The following ZFAND2B variants were observed in gnomAD, a reference collection of about 807,000 sequenced individuals.
ZFAND2B encodes the protein zinc finger AN1-type containing 2B.
ZFAND2B carries 27 observed loss-of-function variants against 38.2 expected under a neutral mutation model. That is an observed-to-expected ratio of 0.71 (90% CI 0.52 to 0.97). The LOEUF (loss-of-function observed/expected upper bound fraction) is 0.97. Ranked by LOEUF, ZFAND2B falls within the 50% of genes least tolerant of loss-of-function variation. The pLI, the probability that ZFAND2B is intolerant of heterozygous loss-of-function variation, is 0.00. For synonymous variants in ZFAND2B, 111 were observed against 119.4 expected (o/e 0.93, Z 0.46); for missense variants, 303 against 331.5 (o/e 0.91, Z 0.67).
chr2:219,208,392 C>T (rs777997751), intron 5 of ZFAND2B, 34 bp from the exon 6 acceptor site: 2 of 1,614,240 alleles, frequency 1.2e-6, no homozygotes, highest in Admixed American at 3.3e-5. Context: ...CCCCTTCACA[C>T]CTCTGACCTC....
At position 219,207,668 on chromosome 2, in the gene ZFAND2B, C is replaced by T. The variant is rs748835980; in HGVS notation, c.171C>T (p.Cys57=). The T allele has an allele frequency of 6.2e-7, 1 of 1,614,212 alleles. No individual in the cohort carries two copies. Among genetic ancestry groups the T allele is most frequent in the Non-Finnish European group, 8.5e-7 (1 of 1,180,046 alleles). Reference sequence around the variant, plus strand: ...TACAGGATATCCAGGTACCTGTGTGCCCTCTCTGTAATGTGCCTGTGCCTG... The same window carrying T: ...TACAGGATATCCAGGTACCTGTGTGTCCTCTCTGTAATGTGCCTGTGCCTG... ...AYQKDIQVPV[C]PLCNVPVPVA... Residue 57 remains cysteine (C), a synonymous_variant, in exon 3 of 9, where the codon TGC becomes TGT. Coordinates refer to ENST00000289528, the MANE Select transcript of ZFAND2B (RefSeq NM_138802.3).
At position 219,209,038 on chromosome 2, in the gene ZFAND2B, C is replaced by T. The variant is rs1301841144; in HGVS notation, c.718C>T (p.Gln240Ter). Reference protein sequence around the residue: ...QALSASEAEYQRQQAQSRSSK... With the variant: ...QALSASEAEY ...ACTGTCAGCCAGTGAGGCAGAATACCAGCGGCAGCAGGTATGAGGCTGGGC... is the reference window on the plus strand; with the variant it reads ...ACTGTCAGCCAGTGAGGCAGAATACTAGCGGCAGCAGGTATGAGGCTGGGC... The change falls in exon 8 of 9, where the codon CAG (glutamine) becomes TAG (stop). Residue 240 changes from glutamine to a stop codon, truncating the protein, a stop_gained. Transcript: ENST00000289528. LOFTEE classifies it high-confidence loss of function. The T allele has an allele frequency of 6.2e-7, 1 of 1,614,198 alleles. No homozygotes were observed. The highest frequency in any genetic ancestry group is 8.5e-7 in the Non-Finnish European group (1 of 1,180,034).
At chr2:219,208,173 G>A in intron 4 of ZFAND2B, 83 bp from the exon 5 acceptor site, 1 of 1,596,754 alleles carries the variant, frequency 6.3e-7, no homozygotes, top group Non-Finnish European at 8.6e-7. Context: ...CTTTTCAAGT[G>A]CATGTTTTTC....
intron 7 of ZFAND2B, 50 bp downstream of exon 7, chr2:219,208,689 G>A (rs781088737): frequency 1.2e-6 from 2 of 1,607,998 alleles, no homozygotes; most frequent in African/African-American, 2.7e-5. Flanking sequence ...CAAGGGCTTG[G>A]TCTGGAGGCA....
rs1466581977 is a variant in ZFAND2B, at chr2:219,209,363, T to C, written c.*57T>C. 2 of 1,583,900 alleles carry C rather than the reference T, an allele frequency of 1.3e-6. No homozygotes were observed. Among genetic ancestry groups the C allele is most frequent in the East Asian group, 2.3e-5 (1 of 44,246 alleles). On this transcript the variant is annotated 3_prime_UTR_variant, in exon 9 of 9. Coordinates refer to ENST00000289528, the MANE Select transcript of ZFAND2B (RefSeq NM_138802.3). ...AGGAGGACTGTGGCCCTCACACCTCTAGGGTACACAGGGAGAGGAGGCCCG... is the reference window on the plus strand; with the variant it reads ...AGGAGGACTGTGGCCCTCACACCTCCAGGGTACACAGGGAGAGGAGGCCCG...
rs753931387 is a variant in ZFAND2B at position 219,207,637 on chromosome 2, C to T, written c.151-11C>T. 1.2e-6 allele frequency: 2 copies of T among 1,614,076 alleles called. No homozygotes were observed. Among genetic ancestry groups the T allele is most frequent in the Non-Finnish European group, 1.7e-6 (2 of 1,179,948 alleles). On this transcript the variant is annotated splice_polypyrimidine_tract_variant and intron_variant, in intron 2 of 8. Coordinates refer to ENST00000289528, the MANE Select transcript of ZFAND2B (RefSeq NM_138802.3). Reference sequence around the variant, plus strand: ...GTGGGCCACAGACTGACCCTTGCTCCTTGACTACAGGATATCCAGGTACCT... The same window carrying T: ...GTGGGCCACAGACTGACCCTTGCTCTTTGACTACAGGATATCCAGGTACCT...
chr2:219,207,591 C>T (rs1181878373), intron 2 of ZFAND2B, 57 bp from the exon 3 acceptor site: 2 of 1,604,494 alleles, frequency 1.2e-6, no homozygotes, highest in East Asian at 4.5e-5. Context: ...TCTTTCAGGA[C>T]CAGAGATTTG....
At chr2:219,208,832 A>G (rs1264034766) in intron 7 of ZFAND2B, 145 bp from the exon 8 acceptor site, 25 of 1,057,684 alleles carry the variant, frequency 2.4e-5, no homozygotes, top group Non-Finnish European at 3.6e-5. Context: ...AACGGGGACA[A>G]TACTAATACC....
chr2:219,208,172 T>G, intron 4 of ZFAND2B, 84 bp from the exon 5 acceptor site: 1 of 1,597,054 alleles, frequency 6.3e-7, no homozygotes, highest in Non-Finnish European at 8.6e-7. Context: ...CCTTTTCAAG[T>G]GCATGTTTTT....
At chr2:219,208,526 CAGAG>C (rs749821770) in intron 6 of ZFAND2B, 40 bp downstream of exon 6, 11 of 1,614,260 alleles carry the variant, frequency 6.8e-6, no homozygotes, top group Non-Finnish European at 8.5e-6. Context: ...AACAAACACA[CAGAG>C]AGTGAAGTCC....
chr2:219,207,836 C>A (rs753683020), intron 3 of ZFAND2B, 51 bp from the exon 4 acceptor site: 1 of 1,613,482 alleles, frequency 6.2e-7, no homozygotes, highest in Admixed American at 1.7e-5. Context: ...CCTGGAAACC[C>A]AAACAGCTAA....
Position 219,207,012 on chromosome 2 carries a change from C to T in ZFAND2B, c.25C>T (p.His9Tyr). 2 of 1,611,628 alleles carry T rather than the reference C, an allele frequency of 1.2e-6. No homozygotes were observed. Among genetic ancestry groups the T allele is most frequent in the South Asian group, 2.2e-5 (2 of 90,718 alleles). Reference sequence around the variant, plus strand: ...GATGGAGTTTCCGGACCTCGGCGCTCACTGTTCGGAGCCGAGCTGTCAGCG... The same window carrying T: ...GATGGAGTTTCCGGACCTCGGCGCTTACTGTTCGGAGCCGAGCTGTCAGCG... MEFPDLGA[H>Y]CSEPSCQRLD... Residue 9 changes from histidine (H) to tyrosine (Y), a missense_variant, in exon 1 of 9, where the codon CAC (histidine) becomes TAC (tyrosine). Transcript: ENST00000289528.
Position 219,207,779 on chromosome 2 carries a change from G to A in ZFAND2B, c.282G>A (p.Lys94=). 1.2e-6 allele frequency: 2 copies of A among 1,614,116 alleles called. No individual in the cohort carries two copies. Among genetic ancestry groups the A allele is most frequent in the East Asian group, 2.2e-5 (1 of 44,882 alleles). ...CTGATCCAGCACAGCAAAAACGTAA[G>A]GTAAACATTGTAGGGGTCAGCCACA... ...CRSDPAQQKR[K]IFTNKCERAG... Residue 94 remains lysine, a splice_region_variant and synonymous_variant, in exon 3 of 9, where the codon AAG becomes AAA. Transcript: ENST00000289528.
In ZFAND2B at chr2:219,209,373, A is replaced by G. The variant is rs777221177; in HGVS notation, c.*67A>G. 13 of 1,567,582 alleles carry G rather than the reference A, an allele frequency of 8.3e-6. No homozygotes were observed. Among genetic ancestry groups the G allele is most frequent in the Non-Finnish European group, 1.0e-5 (12 of 1,150,590 alleles). On this transcript the variant is annotated 3_prime_UTR_variant, in exon 9 of 9. Coordinates refer to ENST00000289528, the MANE Select transcript of ZFAND2B (RefSeq NM_138802.3). ...TGGCCCTCACACCTCTAGGGTACACAGGGAGAGGAGGCCCGGAGCACCCTG... is the reference window on the plus strand; with the variant it reads ...TGGCCCTCACACCTCTAGGGTACACGGGGAGAGGAGGCCCGGAGCACCCTG...
intron 8 of ZFAND2B, 72 bp from the exon 9 acceptor site, chr2:219,209,190 G>C (rs1266005548): frequency 1.3e-6 from 2 of 1,573,434 alleles, no homozygotes; most frequent in African/African-American, 2.7e-5. Flanking sequence ...GCTGAGCTCT[G>C]AAATGAGGGC....
chr2:219,206,828 G>C lies in ZFAND2B; in HGVS notation c.-160G>C. 1.4e-6 allele frequency: 1 copy of C among 728,386 alleles called. No individual in the cohort carries two copies. 45.1% of individuals were successfully genotyped at this position (728,386 alleles called of 1,614,324 possible). A position where few individuals can be genotyped will look rare whatever the true frequency, so the allele number is the denominator to read the frequency against. On this transcript the variant is annotated 5_prime_UTR_variant, in exon 1 of 9. Transcript: ENST00000289528. ...AGGGAGGAGCGGGCGCCGGGGGCCG[G>C]CTGGCGCGGGGGCTCCGGTAACCCG... is the stretch of plus-strand genomic sequence containing the variant.
intron 1 of ZFAND2B, 124 bp downstream of exon 1, chr2:219,207,166 G>C (rs967010611): frequency 1.9e-6 from 2 of 1,038,780 alleles, no homozygotes; most frequent in Non-Finnish European, 2.8e-6. Context: ...CTGGGGGGGG[G>C]TGGTCAGCGG....
chr2:219,208,888 C>A, intron 7 of ZFAND2B, 89 bp from the exon 8 acceptor site: 1 of 1,369,672 alleles, frequency 7.3e-7, no homozygotes, highest in Non-Finnish European at 1.0e-6. Flanking sequence ...CTCAGCAGTG[C>A]TCAGCACCAT....
Position 219,209,130 on chromosome 2 carries a change from A to G in ZFAND2B, c.729+81A>G, listed in dbSNP as rs1392687618. On this transcript the variant is annotated intron_variant, in intron 8 of 8. Coordinates refer to ENST00000289528, the MANE Select transcript of ZFAND2B (RefSeq NM_138802.3). ...ATGGGGGTTCTTCCTAGTGGTGCAG[A>G]GTTTTGGAATGGTGGTTATCGTCTG... 6.3e-6 allele frequency: 10 copies of G among 1,591,562 alleles called. No homozygotes were observed. The East Asian group carries it at 2.2e-4, about 36-fold the overall frequency.
Sources: allele counts gnomAD v4.1 joint callset, GRCh38; gene constraint gnomAD v4.1.1; transcripts MANE v1.5; gene names NCBI Gene and HGNC (gene_info 2026-07-23, HGNC 2026-07-21).